The following LRRC53 variants were observed in gnomAD, a reference collection of about 807,000 sequenced individuals.
LRRC53 encodes the protein leucine rich repeat containing 53, also known as leucine-rich repeat-containing protein 53.
In LRRC53, 25 loss-of-function variants were observed where a neutral mutation model predicts 13.6. That is an observed-to-expected ratio of 1.83 (90% CI 1.34 to 2.56). The LOEUF (loss-of-function observed/expected upper bound fraction) is 2.56. Among genes scored for constraint, LRRC53 ranks in the 30% most tolerant of loss-of-function variants. The pLI, the probability that LRRC53 is intolerant of heterozygous loss-of-function variation, is 0.00. For missense variants in LRRC53, 527 were observed against 275.8 expected, an observed-to-expected ratio of 1.91 and a Z score of -6.45; for synonymous variants, 204 against 109.8, an observed-to-expected ratio of 1.86 and a Z score of -5.37.
intron 4 of LRRC53, among the ~76,000 whole-genome samples, chr1:74,473,106 A>G (rs1668016610): frequency 6.6e-6 from 1 of 152,126 alleles, no homozygotes; most frequent in African/African-American, 2.4e-5. Context: ...ATTAATGACA[A>G]AAATAATAGT....
intron 1 of LRRC53, among the ~76,000 whole-genome samples, chr1:74,498,368 T>C (rs964139883): frequency 7.9e-5 from 12 of 152,208 alleles, no homozygotes; most frequent in African/African-American, 2.9e-4. Context: ...CATGCCTCAC[T>C]AAAGACCACA....
At chr1:74,517,474 T>C (rs1646366033), upstream of LRRC53, among the ~76,000 whole-genome samples, 3 of 152,174 alleles carry the variant, frequency 2.0e-5, no homozygotes, top group African/African-American at 4.8e-5. Context: ...CAGGAAATGG[T>C]AAATGGGTCA....
At chr1:74,474,226 G>T (rs1283753189) in intron 4 of LRRC53, among the ~76,000 whole-genome samples, 1 of 152,058 alleles carries the variant, frequency 6.6e-6, no homozygotes, top group African/African-American at 2.4e-5. Context: ...TGAAAGATCT[G>T]CCTAAGGTAT....
At chr1:74,473,420 T>C (rs192549678) in intron 4 of LRRC53, among the ~76,000 whole-genome samples, 35 of 152,144 alleles carry the variant, frequency 2.3e-4, no homozygotes, top group Admixed American at 2.1e-3. Flanking sequence ...TTTCATGAAA[T>C]TTTTTCATCC....
At chr1:74,530,685 T>C in the LRRC53 span, among the ~76,000 whole-genome samples, 2 of 151,520 alleles carry the variant, frequency 1.3e-5, no homozygotes, top group Non-Finnish European at 2.9e-5. Context: ...AAGTGAGGAG[T>C]GGGCCTTATC....
intron 4 of LRRC53, among the ~76,000 whole-genome samples, chr1:74,472,722 C>T (rs985940014): frequency 5.9e-5 from 9 of 151,880 alleles, no homozygotes; most frequent in African/African-American, 2.2e-4. Context: ...TTTTATTTCC[C>T]ATAACTTAAT....
intron 1 of LRRC53, among the ~76,000 whole-genome samples, chr1:74,508,870 C>T (rs561261521): frequency 2.6e-5 from 4 of 152,192 alleles, no homozygotes; most frequent in African/African-American, 9.6e-5. Context: ...AAAATAGGGA[C>T]CATAATATTA....
chr1:74,492,049 C>T (rs1476919676), intron 1 of LRRC53: 1 of 1,426,914 alleles, frequency 7.0e-7, no homozygotes, highest in Non-Finnish European at 9.3e-7. Context: ...TATGTCTTCA[C>T]ACCTGTTGGA....
chr1:74,519,373 T>C, the LRRC53 span, among the ~76,000 whole-genome samples: 1 of 118,696 alleles, frequency 8.4e-6, no homozygotes, highest in South Asian at 3.0e-4. Context: ...AGCAGCATGA[T>C]TTATACTCAT....
chr1:74,515,139 C>T (rs995885766), upstream of LRRC53, among the ~76,000 whole-genome samples: 2 of 152,080 alleles, frequency 1.3e-5, no homozygotes, highest in South Asian at 4.1e-4. Context: ...GACTTTTAAC[C>T]TGCATAACAG....
chr1:74,527,522 G>A, the LRRC53 span, among the ~76,000 whole-genome samples: 3 of 152,168 alleles, frequency 2.0e-5, no homozygotes, highest in African/African-American at 7.2e-5. Flanking sequence ...TATAAGGCAT[G>A]AGCAAAAAAG....
the LRRC53 span, among the ~76,000 whole-genome samples, chr1:74,536,417 C>T: frequency 6.6e-6 from 1 of 152,106 alleles, no homozygotes; most frequent in African/African-American, 2.4e-5. Context: ...ACCCCTAAAG[C>T]ATGAATTAAT....
intron 1 of LRRC53, among the ~76,000 whole-genome samples, chr1:74,500,433 C>T (rs1410104617): frequency 2.6e-5 from 4 of 151,266 alleles, no homozygotes; most frequent in Non-Finnish European, 4.4e-5. Context: ...GAAACCCCGT[C>T]TCTACTAAAA....
chr1:74,493,096 A>G (rs274605), intron 1 of LRRC53, among the ~76,000 whole-genome samples: 67,106 of 151,992 alleles, frequency 0.44, 16,624 homozygotes, highest in East Asian at 0.67. Context: ...ATTTAGTCAC[A>G]TGGGAGGCTA....
At chr1:74,477,172 T>C (rs61140856) in intron 3 of LRRC53, among the ~76,000 whole-genome samples, 11,358 of 152,176 alleles carry the variant, frequency 0.075, 1,005 homozygotes, top group African/African-American at 0.22. Context: ...AAAGAATATA[T>C]TAAAAAATTA....
At chr1:74,528,220 T>C in the LRRC53 span, among the ~76,000 whole-genome samples, 2 of 151,966 alleles carry the variant, frequency 1.3e-5, no homozygotes, top group South Asian at 4.2e-4. Flanking sequence ...TGGAAGGAAG[T>C]TGGAGCATAA....
chr1:74,520,925 G>A, the LRRC53 span, among the ~76,000 whole-genome samples: 3 of 152,116 alleles, frequency 2.0e-5, no homozygotes, highest in Admixed American at 6.5e-5. Flanking sequence ...TGTGAATAGT[G>A]GTGACATGGG....
At chr1:74,487,913 A>T (rs1227074940) in intron 1 of LRRC53, among the ~76,000 whole-genome samples, 1 of 152,070 alleles carries the variant, frequency 6.6e-6, no homozygotes, top group East Asian at 1.9e-4. Flanking sequence ...ATAAAGATTG[A>T]GAGGTTAAAG....
At chr1:74,533,630 C>G in the LRRC53 span, among the ~76,000 whole-genome samples, 3 of 151,932 alleles carry the variant, frequency 2.0e-5, no homozygotes, top group Non-Finnish European at 4.4e-5. Context: ...TATTGTGGCA[C>G]TATTCACAAT....
Sources: allele counts gnomAD v4.1 joint callset (sites outside exome capture counted in the v4.1 genomes callset), GRCh38; gene constraint gnomAD v4.1.1; transcripts MANE v1.5; gene names NCBI Gene and HGNC (gene_info 2026-07-23, HGNC 2026-07-21).